Variants in HRH1 observed in about 807,000 individuals in gnomAD.
HRH1 encodes histamine H1 receptor.
In HRH1, 6 loss-of-function variants were observed where a neutral mutation model predicts 10.3. That is an observed-to-expected ratio of 0.58 (90% CI 0.32 to 1.15). HRH1 has a LOEUF of 1.15. HRH1 is among the 50% of genes most tolerant of loss of function. The pLI is 0.05. For synonymous variants in HRH1, 242 were observed against 236.7 expected (o/e 1.02, Z -0.21); for missense variants, 514 against 615.3 (o/e 0.84, Z 1.74).
chr3:11,262,573 AT>A lies in HRH1; in HGVS notation c.*2074del, dbSNP rs1157800882. ...CTGGTCTGTTTCCAGGTCAGAAACC[AT>A]TGTTCAGAAGACCTCCCTGTGAGAG... On this transcript the variant is annotated 3_prime_UTR_variant, in exon 2 of 2. Coordinates refer to ENST00000431010, the MANE Select transcript of HRH1 (RefSeq NM_001098212.2). The A allele has an allele frequency of 6.0e-6, 1 of 167,090 alleles. No homozygotes were observed. Among genetic ancestry groups the A allele is most frequent in the African/African-American group, 2.4e-5 (1 of 41,456 alleles). The allele number at this position is 167,090 out of a possible 1,614,324, so 10.4% of individuals were successfully genotyped here.
At chr3:11,241,327 T>C (rs1473821242) in intron 1 of HRH1, among the ~76,000 whole-genome samples, 1 of 152,250 alleles carries the variant, frequency 6.6e-6, no homozygotes, top group Admixed American at 6.5e-5. Context: ...TACCACCTAA[T>C]TGCTGGTGCT....
At chr3:11,160,230 G>A (rs539309712) in intron 1 of HRH1, among the ~76,000 whole-genome samples, 26 of 152,126 alleles carry the variant, frequency 1.7e-4, no homozygotes, top group African/African-American at 6.3e-4. Flanking sequence ...ATGACCTAAG[G>A]GCCATGCCCC....
intron 1 of HRH1, among the ~76,000 whole-genome samples, chr3:11,147,863 C>T (rs1430092796): frequency 1.3e-5 from 2 of 152,110 alleles, no homozygotes; most frequent in African/African-American, 4.8e-5. Context: ...TGTTTCCACG[C>T]TCCCTGCCTG....
intron 1 of HRH1, among the ~76,000 whole-genome samples, chr3:11,247,925 C>T (rs555078007): frequency 3.3e-5 from 5 of 152,196 alleles, no homozygotes; most frequent in East Asian, 1.9e-4. Context: ...ACACCTATAA[C>T]GATTATAAGG....
At chr3:11,231,772 T>C (rs954565967) in intron 1 of HRH1, among the ~76,000 whole-genome samples, 5 of 152,210 alleles carry the variant, frequency 3.3e-5, no homozygotes, top group Non-Finnish European at 7.3e-5. Context: ...AAATATTTTC[T>C]CCTTGTCTTT....
intron 1 of HRH1, among the ~76,000 whole-genome samples, chr3:11,198,428 G>A (rs902919814): frequency 8.5e-5 from 13 of 152,164 alleles, no homozygotes; most frequent in African/African-American, 3.1e-4. Flanking sequence ...AGTAGCAAAT[G>A]AATGACTGAG....
rs1212647587 is a variant in HRH1 at position 11,262,527 on chromosome 3, T to C, written c.*2026T>C. On this transcript the variant is annotated 3_prime_UTR_variant, in exon 2 of 2. Transcript: ENST00000431010. Reference sequence around the variant, plus strand: ...ACGGGGGGAGTTTAGGAGACTTTAATCCCGGTTTCAGAAGCTGCAGCTGGT... The same window carrying C: ...ACGGGGGGAGTTTAGGAGACTTTAACCCCGGTTTCAGAAGCTGCAGCTGGT... 1 of 167,112 alleles carries C rather than the reference T, an allele frequency of 6.0e-6. No individual in the cohort carries two copies. Among genetic ancestry groups the C allele is most frequent in the Non-Finnish European group, 1.5e-5 (1 of 68,132 alleles). 10.4% of individuals were successfully genotyped at this position (167,112 alleles called of 1,614,324 possible).
chr3:11,165,113 T>G (rs1937005584), intron 1 of HRH1, among the ~76,000 whole-genome samples: 1 of 152,166 alleles, frequency 6.6e-6, no homozygotes, highest in Admixed American at 6.5e-5. Context: ...TAAGACAGTC[T>G]CAGAGAGGCT....
intron 1 of HRH1, among the ~76,000 whole-genome samples, chr3:11,254,698 T>G (rs911385209): frequency 3.3e-5 from 5 of 152,330 alleles, no homozygotes; most frequent in Middle Eastern, 3.4e-3. Context: ...CGGAGGAGAA[T>G]GGGAATCCCA....
chr3:11,189,584 C>G (rs865871650), intron 1 of HRH1, among the ~76,000 whole-genome samples: 5 of 152,002 alleles, frequency 3.3e-5, no homozygotes, highest in African/African-American at 1.2e-4. Flanking sequence ...GTTAACTGCT[C>G]TCATGGAATG....
intron 1 of HRH1, among the ~76,000 whole-genome samples, chr3:11,190,772 G>C (rs1159257413): frequency 1.3e-5 from 2 of 152,170 alleles, no homozygotes; most frequent in East Asian, 3.8e-4. Context: ...GATCGCTTGA[G>C]CCGTGAGGTT....
chr3:11,220,616 A>AG, intron 1 of HRH1, among the ~76,000 whole-genome samples: 2 of 152,334 alleles, frequency 1.3e-5, no homozygotes, highest in Admixed American at 1.3e-4. Flanking sequence ...CATCCTGTGC[A>AG]GGGAAGATCA....
chr3:11,221,359 C>T (rs1184862759), intron 1 of HRH1, among the ~76,000 whole-genome samples: 1 of 151,946 alleles, frequency 6.6e-6, no homozygotes, highest in Non-Finnish European at 1.5e-5. Flanking sequence ...TTAAGACCAG[C>T]CTGGGCAACA....
chr3:11,260,323 T>A lies in HRH1; in HGVS notation c.1286T>A (p.Ile429Asn). ...ATGGCAGCCTTCATCCTCTGCTGGA[T>A]CCCTTATTTCATCTTCTTCATGGTC... The part of the protein sequence containing the change: ...FIMAAFILCW[I>N]PYFIFFMVIA... The change falls in exon 2 of 2, where the codon ATC becomes AAC. Residue 429 changes from isoleucine to asparagine, a missense_variant. Coordinates refer to ENST00000431010, the MANE Select transcript of HRH1 (RefSeq NM_001098212.2). 6.2e-7 allele frequency: 1 copy of A among 1,614,160 alleles called. No individual in the cohort carries two copies. The highest frequency in any genetic ancestry group is 8.5e-7 in the Non-Finnish European group (1 of 1,180,010).
At chr3:11,199,020 TTCAAGCAAC>T (rs1417447367) in intron 1 of HRH1, among the ~76,000 whole-genome samples, 1 of 151,428 alleles carries the variant, frequency 6.6e-6, no homozygotes, top group Non-Finnish European at 1.5e-5. Context: ...GCCCCCCAGG[TTCAAGCAAC>T]TCTCATACCT....
intron 1 of HRH1, among the ~76,000 whole-genome samples, chr3:11,257,908 C>G (rs1406488070): frequency 6.6e-6 from 1 of 152,076 alleles, no homozygotes; most frequent in Non-Finnish European, 1.5e-5. Context: ...AACTCTTGCC[C>G]TCAAGCAATC....
chr3:11,178,328 A>C (rs1937284775), intron 1 of HRH1, among the ~76,000 whole-genome samples: 1 of 152,220 alleles, frequency 6.6e-6, no homozygotes, highest in African/African-American at 2.4e-5. Flanking sequence ...TCCTTCTTGA[A>C]GAGGCTGGGG....
intron 1 of HRH1, among the ~76,000 whole-genome samples, chr3:11,161,187 A>G (rs1363190741): frequency 6.6e-6 from 1 of 152,236 alleles, no homozygotes; most frequent in Non-Finnish European, 1.5e-5. Flanking sequence ...GGCACAGAGC[A>G]CAGGAGGAGG....
intron 1 of HRH1, among the ~76,000 whole-genome samples, chr3:11,220,309 C>T (rs564457053): frequency 2.6e-5 from 4 of 152,264 alleles, no homozygotes; most frequent in Admixed American, 2.6e-4. Context: ...CCCTGACTTG[C>T]TGTATAGTCT....
Sources: allele counts gnomAD v4.1 joint callset (sites outside exome capture counted in the v4.1 genomes callset), GRCh38; gene constraint gnomAD v4.1.1; transcripts MANE v1.5; gene names NCBI Gene and HGNC (gene_info 2026-07-23, HGNC 2026-07-21).